Variants in PTPRD observed in about 807,000 individuals in gnomAD.
PTPRD encodes receptor-type tyrosine-protein phosphatase delta.
A neutral mutation model predicts 214.5 loss-of-function variants in PTPRD; 34 were observed. The observed-to-expected ratio is 0.16, with a 90% CI of 0.12 to 0.21. PTPRD has a LOEUF of 0.21. Ranked by LOEUF, PTPRD falls within the 10% of genes least tolerant of loss-of-function variation. PTPRD has a pLI of 1.00. For missense variants in PTPRD, 2,545 were observed against 2,398.7 expected, an observed-to-expected ratio of 1.06 and a Z score of -1.27; for synonymous variants, 1,128 against 845.7, an observed-to-expected ratio of 1.33 and a Z score of -5.79.
At chr9:9,482,418 C>A (rs970730897) in intron 8 of PTPRD, among the ~76,000 whole-genome samples, 3 of 152,126 alleles carry the variant, frequency 2.0e-5, no homozygotes, top group Non-Finnish European at 1.5e-5. Context: ...AGGTTCACAG[C>A]AAAATGGGGT....
intron 11 of PTPRD, among the ~76,000 whole-genome samples, chr9:8,852,477 A>T (rs1239920537): frequency 6.6e-6 from 1 of 152,214 alleles, no homozygotes. Context: ...TTTGGCTCTT[A>T]CATTTTGTTG....
intron 2 of PTPRD, among the ~76,000 whole-genome samples, chr9:10,489,878 G>C (rs1589318661): frequency 1.3e-5 from 2 of 152,162 alleles, no homozygotes; most frequent in African/African-American, 4.8e-5. Flanking sequence ...TGGGGAATGG[G>C]GGAGGGATAG....
At chr9:9,918,718 G>C (rs1602108735) in intron 5 of PTPRD, among the ~76,000 whole-genome samples, 1 of 152,034 alleles carries the variant, frequency 6.6e-6, no homozygotes, top group South Asian at 2.1e-4. Flanking sequence ...GAGACCAATA[G>C]AACCAATAGA....
chr9:9,211,143 G>A (rs1177129058), intron 9 of PTPRD, among the ~76,000 whole-genome samples: 9 of 151,894 alleles, frequency 5.9e-5, no homozygotes, highest in Admixed American at 5.3e-4. Flanking sequence ...ACAGTCATAT[G>A]TAAGCCACAC....
At chr9:8,494,637 G>T (rs1413686189) in intron 26 of PTPRD, among the ~76,000 whole-genome samples, 1 of 152,168 alleles carries the variant, frequency 6.6e-6, no homozygotes, top group East Asian at 1.9e-4. Context: ...TTTGTAGCAA[G>T]AAATTATGCA....
intron 2 of PTPRD, among the ~76,000 whole-genome samples, chr9:10,464,548 C>T (rs1318831627): frequency 1.3e-5 from 2 of 151,886 alleles, no homozygotes; most frequent in East Asian, 3.9e-4. Flanking sequence ...ATTACAGCTA[C>T]TTTGTGTGTG....
chr9:9,623,441 T>C (rs1255878552), intron 7 of PTPRD, among the ~76,000 whole-genome samples: 1 of 152,198 alleles, frequency 6.6e-6, no homozygotes, highest in Non-Finnish European at 1.5e-5. Flanking sequence ...ACAATGTGTC[T>C]TTTTCCAGTA....
chr9:10,309,538 T>C (rs1420074965), intron 3 of PTPRD, among the ~76,000 whole-genome samples: 1 of 148,024 alleles, frequency 6.8e-6, no homozygotes, highest in African/African-American at 2.5e-5. Context: ...TTTTTTTTTG[T>C]ATTTTTAGTA....
At chr9:9,790,594 T>A (rs932293476) in intron 5 of PTPRD, among the ~76,000 whole-genome samples, 6 of 152,204 alleles carry the variant, frequency 3.9e-5, no homozygotes, top group Admixed American at 2.0e-4. Context: ...ACTAGTTTAA[T>A]AGGTATAAAT....
At chr9:9,634,126 T>G (rs753301588) in intron 7 of PTPRD, among the ~76,000 whole-genome samples, 11 of 152,136 alleles carry the variant, frequency 7.2e-5, no homozygotes, top group Non-Finnish European at 1.6e-4. Context: ...TTCAATTGTG[T>G]GGTCAAAAAT....
chr9:10,187,724 C>T (rs1047943377), intron 3 of PTPRD, among the ~76,000 whole-genome samples: 9 of 152,178 alleles, frequency 5.9e-5, no homozygotes, highest in African/African-American at 1.9e-4. Context: ...AAAGATGCTC[C>T]TCTGCTTTCA....
intron 5 of PTPRD, among the ~76,000 whole-genome samples, chr9:9,842,982 T>C (rs1428065860): frequency 3.9e-5 from 6 of 152,110 alleles, no homozygotes; most frequent in Non-Finnish European, 8.8e-5. Context: ...GTCTACACTG[T>C]AAGGCAGGAG....
intron 3 of PTPRD, among the ~76,000 whole-genome samples, chr9:10,092,057 A>C (rs368114): frequency 0.43 from 64,573 of 151,002 alleles, 14,731 homozygotes; most frequent in African/African-American, 0.56. Context: ...GAAGGAAGTA[A>C]TGATTAAAGG....
At chr9:8,571,740 A>C (rs985684818) in intron 14 of PTPRD, among the ~76,000 whole-genome samples, 1 of 152,126 alleles carries the variant, frequency 6.6e-6, no homozygotes, top group African/African-American at 2.4e-5. Context: ...GCATAGTAAC[A>C]GTTGTGATTT....
At chr9:10,150,550 T>C (rs773524821) in intron 3 of PTPRD, among the ~76,000 whole-genome samples, 4 of 151,792 alleles carry the variant, frequency 2.6e-5, no homozygotes, top group Non-Finnish European at 4.4e-5. Context: ...TTAGGAGATA[T>C]ACCTAATGTA....
chr9:10,403,087 A>T (rs2098297743), intron 2 of PTPRD, among the ~76,000 whole-genome samples: 1 of 151,242 alleles, frequency 6.6e-6, no homozygotes, highest in Non-Finnish European at 1.5e-5. Flanking sequence ...ATGTATTGCC[A>T]TAGATTAGGT....
intron 11 of PTPRD, among the ~76,000 whole-genome samples, chr9:8,753,482 G>C (rs1312751211): frequency 6.6e-6 from 1 of 152,164 alleles, no homozygotes; most frequent in African/African-American, 2.4e-5. Flanking sequence ...ATGATATTTT[G>C]AACAATCTGT....
At chr9:8,912,379 G>A (rs532327678) in intron 11 of PTPRD, among the ~76,000 whole-genome samples, 4 of 152,114 alleles carry the variant, frequency 2.6e-5, no homozygotes, top group Non-Finnish European at 5.9e-5. Flanking sequence ...AGAAACATGA[G>A]AAGTGAAAGA....
At chr9:9,478,306 A>G (rs2095214071) in intron 8 of PTPRD, among the ~76,000 whole-genome samples, 1 of 152,202 alleles carries the variant, frequency 6.6e-6, no homozygotes, top group African/African-American at 2.4e-5. Flanking sequence ...AAGTAAAATG[A>G]CAGCATCTTC....
Sources: allele counts gnomAD v4.1 joint callset (sites outside exome capture counted in the v4.1 genomes callset), GRCh38; gene constraint gnomAD v4.1.1; transcripts MANE v1.5; gene names NCBI Gene and HGNC (gene_info 2026-07-23, HGNC 2026-07-21).